MROH1: variants seen among roughly 807,000 people sequenced by gnomAD.
MROH1 encodes the protein maestro heat like repeat family member 1, also known as maestro heat-like repeat-containing protein family member 1.
Under a neutral mutation model 116.5 loss-of-function variants are expected in MROH1, and 117 were observed. The ratio of observed to expected loss-of-function variants is 1.00; its 90% CI spans 0.86 to 1.17. The LOEUF (loss-of-function observed/expected upper bound fraction) is 1.17. Among genes scored for constraint, MROH1 ranks in the 50% most tolerant of loss-of-function variants. The pLI is 0.00. For synonymous variants in MROH1, 921 were observed against 583.9 expected, an observed-to-expected ratio of 1.58 and a Z score of -8.32; for missense variants, 1,873 against 1,338.5, an observed-to-expected ratio of 1.40 and a Z score of -6.23.
intron 7 of MROH1, among the ~76,000 whole-genome samples, chr8:144,183,789 A>C (rs1419318455): frequency 6.6e-6 from 1 of 151,828 alleles, no homozygotes; most frequent in Non-Finnish European, 1.5e-5. Context: ...CTGGGACTAC[A>C]GGCGCCCACC....
intron 14 of MROH1, among the ~76,000 whole-genome samples, chr8:144,231,377 A>AG (rs1255490085): frequency 6.6e-6 from 1 of 152,028 alleles, no homozygotes; most frequent in Non-Finnish European, 1.5e-5. Flanking sequence ...ACTTCCCAGT[A>AG]GGGGCGGCCG....
At chr8:144,185,191 G>A (rs1446224534) in intron 7 of MROH1, among the ~76,000 whole-genome samples, 1 of 152,164 alleles carries the variant, frequency 6.6e-6, no homozygotes, top group African/African-American at 2.4e-5. Flanking sequence ...GAATCCTCGT[G>A]CTGTGCCGCC....
At position 144,163,457 on chromosome 8, in the gene MROH1, G is replaced by A. The variant is rs910515867; in HGVS notation, c.-56-314G>A. Among the ~76,000 whole-genome samples the A allele has an allele frequency of 2.6e-5, 4 of 152,176 alleles. No individual in the cohort carries two copies. The highest frequency in any genetic ancestry group is 9.7e-5 in the African/African-American group (4 of 41,444). On this transcript the variant is annotated intron_variant, in intron 2 of 43. Coordinates refer to ENST00000326134, the MANE Select transcript of MROH1 (RefSeq NM_032450.3). The surrounding 1 kb of genome is among the most constrained non-coding windows in gnomAD (Gnocchi z 4.4). ...CACAGTGTGGAGGAGGATGCTGTAG[G>A]TGGAGGTGCATCCACTCCTGCTGGG...
chr8:144,207,369 G>A (rs1192252031), intron 12 of MROH1, among the ~76,000 whole-genome samples: 2 of 151,888 alleles, frequency 1.3e-5, no homozygotes, highest in Non-Finnish European at 2.9e-5. Flanking sequence ...TGTATTTTTA[G>A]TAGAGACAGG....
chr8:144,153,760 A>T (rs978838854), intron 1 of MROH1, among the ~76,000 whole-genome samples: 103 of 151,864 alleles, frequency 6.8e-4, no homozygotes, highest in Middle Eastern at 6.8e-3. Context: ...TTCTGTTTTT[A>T]TTTTATTTTT....
intron 3 of MROH1, among the ~76,000 whole-genome samples, chr8:144,166,010 C>G (rs906154256): frequency 1.3e-5 from 2 of 152,128 alleles, no homozygotes; most frequent in African/African-American, 2.4e-5. Flanking sequence ...TCCTGAGTAG[C>G]TGGGACTATA....
In MROH1 at chr8:144,244,307, C is replaced by T; in HGVS notation, c.2641C>T (p.Pro881Ser). The T allele has an allele frequency of 4.2e-6, 3 of 719,934 alleles. No individual in the cohort carries two copies. The highest frequency in any genetic ancestry group is 5.2e-6 in the Non-Finnish European group (2 of 385,824). 44.6% of individuals were successfully genotyped at this position (719,934 alleles called of 1,614,324 possible). Residue 881 changes from proline to serine, a missense_variant, in exon 27 of 44, where the codon CCC becomes TCC. Physicochemically the swap from Pro to Ser is moderately conservative, Grantham distance 74. Coordinates refer to ENST00000326134, the MANE Select transcript of MROH1 (RefSeq NM_032450.3). ...LHSIMALLPE[P>S]KEEDGGCQKS... ...CAGCATCATGGCCCTGCTGCCTGAG[C>T]CCAAGGAGGAGGACGGAGGCTGCCA...
chr8:144,171,446 C>T (rs142049065), intron 4 of MROH1, among the ~76,000 whole-genome samples: 117 of 152,316 alleles, frequency 7.7e-4, no homozygotes, highest in Middle Eastern at 3.4e-3. Flanking sequence ...GCGTGGGTTC[C>T]GCTACCGGAA....
In MROH1 at chr8:144,239,337, C is replaced by G; in HGVS notation, c.1606C>G (p.Pro536Ala). Residue 536 changes from proline to alanine, a missense_variant, in exon 17 of 44, where the codon CCC (proline) becomes GCC (alanine). Transcript: ENST00000326134. Reference protein sequence around the residue: ...QYDAHASLPSPYAVTGRLLVV... With the variant: ...QYDAHASLPSAYAVTGRLLVV... Reference sequence around the variant, plus strand: ...CTCATCTCCAGCGAGCCTCCCGTCTCCCTATGCTGTAACCGGAAGACTGTT... The same window carrying G: ...CTCATCTCCAGCGAGCCTCCCGTCTGCCTATGCTGTAACCGGAAGACTGTT... The G allele has an allele frequency of 1.3e-6, 1 of 780,530 alleles. No homozygotes were observed. Among genetic ancestry groups the G allele is most frequent in the Non-Finnish European group, 2.4e-6 (1 of 417,824 alleles). The allele number at this position is 780,530 out of a possible 1,614,324, so 48.4% of individuals were successfully genotyped here.
At chr8:144,234,702 A>G (rs71513702) in intron 14 of MROH1, among the ~76,000 whole-genome samples, 144,910 of 144,916 alleles carry the variant, frequency 1, 72,452 homozygotes, top group Middle Eastern at 1. Context: ...TTTTTTGGTA[A>G]AAATGGGGTT....
chr8:144,196,584 T>C (rs1168969705), intron 10 of MROH1, among the ~76,000 whole-genome samples: 1 of 150,688 alleles, frequency 6.6e-6, no homozygotes, highest in African/African-American at 2.4e-5. Flanking sequence ...CTTGAACTCC[T>C]GACCTCAAGT....
intron 3 of MROH1, among the ~76,000 whole-genome samples, chr8:144,166,265 A>G (rs1820805748): frequency 6.6e-6 from 1 of 152,192 alleles, no homozygotes; most frequent in Non-Finnish European, 1.5e-5. Flanking sequence ...ATTGGGGGTT[A>G]AGTTCCAACA....
chr8:144,244,286 A>T lies in MROH1; in HGVS notation c.2620A>T (p.Ile874Phe), dbSNP rs1346670192. 3 of 719,276 alleles carry T rather than the reference A, an allele frequency of 4.2e-6. No homozygotes were observed. The highest frequency in any genetic ancestry group is 7.8e-6 in the Non-Finnish European group (3 of 385,498). The allele number at this position is 719,276 out of a possible 1,614,324, so 44.6% of individuals were successfully genotyped here. ...ADVIHGCLHS[I>F]MALLPEPKEE... ...TGTGATCCATGGCTGCCTGCACAGC[A>T]TCATGGCCCTGCTGCCTGAGCCCAA... The change falls in exon 27 of 44, where the codon ATC becomes TTC. Residue 874 changes from isoleucine to phenylalanine, a missense_variant. Physicochemically the swap from Ile to Phe is conservative, Grantham distance 21. Coordinates refer to ENST00000326134, the MANE Select transcript of MROH1 (RefSeq NM_032450.3).
intron 21 of MROH1, 106 bp from the exon 22 acceptor site, chr8:144,241,261 TGCATGTGTTGATGTGTGTGCAAGTGTGC>T (rs1840929954): frequency 3.3e-5 from 23 of 690,672 alleles, no homozygotes; most frequent in Admixed American, 2.0e-5. Flanking sequence ...AGAGGGTGTG[TGCATGTGTTGATGTGTGTGCAAGTGTGC>T]GCATGTGTGT....
intron 7 of MROH1, among the ~76,000 whole-genome samples, chr8:144,185,487 T>C (rs1826734904): frequency 6.9e-6 from 1 of 145,150 alleles, no homozygotes; most frequent in Admixed American, 7.0e-5. Context: ...AGGAGGTGAA[T>C]AGATGTGAGG....
chr8:144,218,081 C>G (rs954837175), intron 12 of MROH1, among the ~76,000 whole-genome samples: 2 of 152,152 alleles, frequency 1.3e-5, no homozygotes, highest in Non-Finnish European at 2.9e-5. Flanking sequence ...CCCGTCTACT[C>G]AATTCCATTG....
intron 1 of MROH1, among the ~76,000 whole-genome samples, chr8:144,150,744 A>T (rs1816523696): frequency 1.3e-5 from 2 of 152,210 alleles, no homozygotes; most frequent in Non-Finnish European, 2.9e-5. Context: ...GCCCTTATCC[A>T]GCCACTGATG....
chr8:144,244,651 C>G, intron 28 of MROH1, 112 bp downstream of exon 28: 1 of 695,158 alleles, frequency 1.4e-6, no homozygotes. Context: ...TTGGTGCTCT[C>G]TGCACTTGGG....
At chr8:144,246,113 T>A (rs1841885161) in intron 29 of MROH1, among the ~76,000 whole-genome samples, 1 of 138,696 alleles carries the variant, frequency 7.2e-6, no homozygotes, top group African/African-American at 2.7e-5. Context: ...CTTTCTTTCC[T>A]TTCTTTCCTT....
Sources: gnomAD v4.1 joint callset for allele counts (sites outside exome capture counted in the v4.1 genomes callset) on GRCh38, gnomAD v4.1.1 for gene constraint, Gnocchi (gnomAD v3.1) non-coding constraint, MANE v1.5 for transcripts, NCBI Gene and HGNC (gene_info 2026-07-23, HGNC 2026-07-21) for gene names.